ANKRD36C: variants seen among roughly 807,000 people sequenced by gnomAD.
ANKRD36C encodes the protein ankyrin repeat domain-containing protein 36C.
ANKRD36C carries 61 observed loss-of-function variants against 276.4 expected under a neutral mutation model. The observed-to-expected ratio is 0.22, with a 90% confidence interval of 0.18 to 0.27. The LOEUF (loss-of-function observed/expected upper bound fraction) is 0.27. ANKRD36C is among the 10% of genes least tolerant of loss of function. ANKRD36C has a pLI of 1.00. For missense variants in ANKRD36C, 1,447 were observed against 2,032.3 expected, an observed-to-expected ratio of 0.71 and a Z score of 5.54; for synonymous variants, 483 against 680.1, an observed-to-expected ratio of 0.71 and a Z score of 4.51.
downstream of ANKRD36C, among the ~76,000 whole-genome samples, chr2:95,850,719 G>C (rs2104230280): frequency 6.6e-6 from 1 of 152,298 alleles, no homozygotes; most frequent in Non-Finnish European, 1.5e-5. Flanking sequence ...TCAATGACTA[G>C]AGATTTAAAA....
At chr2:95,883,965 A>C (rs1676142663) in intron 54 of ANKRD36C, among the ~76,000 whole-genome samples, 1 of 151,910 alleles carries the variant, frequency 6.6e-6, no homozygotes, top group Non-Finnish European at 1.5e-5. Context: ...TCCCAATTTC[A>C]ATGTGGGGAA....
At chr2:95,909,866 C>T (rs1676858577) in intron 42 of ANKRD36C, among the ~76,000 whole-genome samples, 1 of 146,420 alleles carries the variant, frequency 6.8e-6, no homozygotes, top group Non-Finnish European at 1.5e-5. Context: ...CAGCGGAAAC[C>T]CCAAAATTAT....
chr2:95,870,517 A>G (rs1222088763), intron 59 of ANKRD36C, among the ~76,000 whole-genome samples: 1 of 152,194 alleles, frequency 6.6e-6, no homozygotes, highest in Non-Finnish European at 1.5e-5. Flanking sequence ...CCATCTGTAC[A>G]TCACCATCAT....
intron 14 of ANKRD36C, 122 bp from the exon 15 acceptor site, chr2:95,951,530 T>C (rs1409390775): frequency 1.3e-6 from 1 of 743,904 alleles, no homozygotes. Flanking sequence ...CATATGTAGA[T>C]TCAAACCTCA....
chr2:95,908,285 C>T (rs531874719), intron 42 of ANKRD36C, among the ~76,000 whole-genome samples: 1 of 150,692 alleles, frequency 6.6e-6, no homozygotes, highest in Non-Finnish European at 1.5e-5. Context: ...ATTTCTTCTT[C>T]CCAATTTCAA....
rs552967668 is a variant in ANKRD36C at position 95,974,325 on chromosome 2, C to T, written c.799+3797G>A. On this transcript the variant is annotated intron_variant, in intron 6 of 66. Transcript: ENST00000456556. Reference sequence around the variant, plus strand: ...CAGCATCACTTACACTGTCACTGTGCTAAAGATATAAAGAAGTTTAGCATT... The same window carrying T: ...CAGCATCACTTACACTGTCACTGTGTTAAAGATATAAAGAAGTTTAGCATT... 2.0e-5 allele frequency among the ~76,000 whole-genome samples: 3 copies of T among 152,104 alleles called. No individual in the cohort carries two copies. In the South Asian group the frequency reaches 6.2e-4, roughly 32 times the overall value.
exon 3 of ANKRD36C, chr2:95,986,850 G>T (rs1228670156): frequency 1.2e-6 from 2 of 1,611,866 alleles, no homozygotes; most frequent in African/African-American, 2.7e-5. Context: ...TCCTTCCAAA[G>T]ACATCCGTAA....
intron 34 of ANKRD36C, among the ~76,000 whole-genome samples, chr2:95,918,654 T>C (rs1677181433): frequency 6.6e-6 from 1 of 151,708 alleles, no homozygotes; most frequent in African/African-American, 2.4e-5. Context: ...CCTAAGTTTC[T>C]TGGATCCACT....
At chr2:95,965,028 A>C (rs1390908260) in intron 6 of ANKRD36C, among the ~76,000 whole-genome samples, 4 of 151,922 alleles carry the variant, frequency 2.6e-5, no homozygotes, top group Non-Finnish European at 4.4e-5. Flanking sequence ...ACTTGAAAAC[A>C]TGTCAGTAAT....
rs553306862 is a variant in ANKRD36C at position 95,920,441 on chromosome 2, A to G, written c.2245+1166T>C. Among the ~76,000 whole-genome samples the G allele has an allele frequency of 2.3e-5, 3 of 132,662 alleles. 1 individual carries two copies. The highest frequency in any genetic ancestry group is 7.9e-5 in the African/African-American group (3 of 38,158). The allele number at this position is 132,662 out of a possible 152,430, so 87.0% of individuals were successfully genotyped here. A position where few individuals can be genotyped will look rare whatever the true frequency, so the allele number is the denominator to read the frequency against. On this transcript the variant is annotated intron_variant, in intron 34 of 66. Coordinates refer to ENST00000456556, the Ensembl canonical transcript of ANKRD36C. ...ATCCCCTTCAGTGGAAGTGTCCTAA[A>G]TTGATCACCTTGGATATCTGTTTGC...
intron 4 of ANKRD36C, among the ~76,000 whole-genome samples, chr2:95,981,608 A>G (rs1327981443): frequency 6.6e-6 from 1 of 150,846 alleles, no homozygotes; most frequent in Non-Finnish European, 1.5e-5. Flanking sequence ...ACATTCTAAC[A>G]TTATATATAT....
chr2:95,921,296 A>C (rs1677260792), intron 34 of ANKRD36C, among the ~76,000 whole-genome samples: 1 of 150,924 alleles, frequency 6.6e-6, no homozygotes, highest in African/African-American at 2.5e-5. Flanking sequence ...CCCTTAGTGA[A>C]ACCATGCTGT....
intron 36 of ANKRD36C, among the ~76,000 whole-genome samples, chr2:95,917,247 T>C (rs1677125946): frequency 6.6e-6 from 1 of 151,592 alleles, no homozygotes; most frequent in Non-Finnish European, 1.5e-5. Context: ...CTTCCAGTAG[T>C]TCCTGGAGCT....
chr2:95,952,597 G>C (rs374978576), intron 14 of ANKRD36C, among the ~76,000 whole-genome samples: 6,268 of 103,070 alleles, frequency 0.061, no homozygotes, highest in African/African-American at 0.11. Flanking sequence ...AAAACAGGCT[G>C]TATCCACCTC....
intron 44 of ANKRD36C, among the ~76,000 whole-genome samples, 196 bp downstream of exon 64, chr2:95,893,337 T>C (rs1415254094): frequency 6.6e-6 from 1 of 151,082 alleles, no homozygotes; most frequent in Non-Finnish European, 1.5e-5. Context: ...TGTGGGGAAC[T>C]GTATAATCTT....
intron 1 of ANKRD36C, among the ~76,000 whole-genome samples, chr2:95,987,605 C>CTTTTTT (rs35536038): frequency 4.6e-5 from 4 of 87,470 alleles, no homozygotes; most frequent in Non-Finnish European, 6.3e-5. Context: ...CTTACAAAGA[C>CTTTTTT]TTTTTTTTTT....
intron 50 of ANKRD36C, among the ~76,000 whole-genome samples, chr2:95,887,254 T>C (rs2463565): frequency 1.1e-4 from 16 of 151,498 alleles, no homozygotes; most frequent in African/African-American, 2.4e-4. Flanking sequence ...TGATACCTAA[T>C]AGTAACAAAG....
exon 28 of ANKRD36C, chr2:95,927,217 T>C (rs1419163581): frequency 6.2e-7 from 1 of 1,610,034 alleles, no homozygotes. Context: ...AAATTACCTG[T>C]CCCAGATTGT....
chr2:95,976,163 A>C (rs1337671044), intron 6 of ANKRD36C, among the ~76,000 whole-genome samples: 1 of 152,150 alleles, frequency 6.6e-6, no homozygotes, highest in Non-Finnish European at 1.5e-5. Context: ...AAATAGGAAC[A>C]CTTTTACTCT....
Sources: gnomAD v4.1 joint callset for allele counts (sites outside exome capture counted in the v4.1 genomes callset) on GRCh38, gnomAD v4.1.1 for gene constraint, MANE v1.5 for transcripts, NCBI Gene and HGNC (gene_info 2026-07-23, HGNC 2026-07-21) for gene names.